Variants in MIB1 observed in about 807,000 individuals in gnomAD.
MIB1 encodes the protein E3 ubiquitin-protein ligase MIB1.
A neutral mutation model predicts 124.5 loss-of-function variants in MIB1; 278 were observed. The ratio of observed to expected loss-of-function variants is 2.23; its 90% CI spans 2.02 to 2.47. MIB1 has a LOEUF of 2.47. Ranked by LOEUF, MIB1 falls within the 30% of genes most tolerant of loss-of-function variation. The probability of loss-of-function intolerance (pLI) is 0.00; values close to 1 mark genes in which losing one functional copy is unlikely to be tolerated. For missense variants in MIB1, 957 were observed against 1,254.4 expected, an observed-to-expected ratio of 0.76 and a Z score of 3.58; for synonymous variants, 446 against 429.4, an observed-to-expected ratio of 1.04 and a Z score of -0.48.
At chr18:21,753,152 A>G (rs1417651134) in intron 1 of MIB1, among the ~76,000 whole-genome samples, 1 of 152,152 alleles carries the variant, frequency 6.6e-6, no homozygotes, top group East Asian at 1.9e-4. Flanking sequence ...CTTCAGAATG[A>G]TATTTTGGTA....
At chr18:21,855,685 T>C (rs2146517928) in intron 18 of MIB1, among the ~76,000 whole-genome samples, 1 of 152,280 alleles carries the variant, frequency 6.6e-6, no homozygotes, top group Admixed American at 6.5e-5. Context: ...TGGCAAACTA[T>C]TAGGAGTGTA....
At chr18:21,727,959 C>G (rs114701229) in intron 1 of MIB1, among the ~76,000 whole-genome samples, 17 of 152,302 alleles carry the variant, frequency 1.1e-4, no homozygotes, top group African/African-American at 4.1e-4. Flanking sequence ...CATTGTGAGA[C>G]TGTGAGCAGA....
chr18:21,798,110 ACAG>A lies in MIB1; in HGVS notation c.1120_1122del (p.Gln374del). On this transcript the variant is annotated inframe_deletion, in exon 8 of 21. Coordinates refer to ENST00000261537, the MANE Select transcript of MIB1 (RefSeq NM_020774.4). ...CTTTAGGTAAAGTTGGCCGAGTACA[ACAG>A]ATTTATTCAGACAGTGATTTAAAGG... 6.2e-7 allele frequency: 1 copy of A among 1,613,162 alleles called. No homozygotes were observed. Among genetic ancestry groups the A allele is most frequent in the Non-Finnish European group, 8.5e-7 (1 of 1,179,318 alleles).
intron 10 of MIB1, among the ~76,000 whole-genome samples, chr18:21,805,163 C>T (rs1416269564): frequency 6.6e-6 from 1 of 152,082 alleles, no homozygotes; most frequent in Admixed American, 6.6e-5. Flanking sequence ...TAGGCGCCTG[C>T]TACCACACCT....
intron 13 of MIB1, among the ~76,000 whole-genome samples, chr18:21,840,499 A>G (rs1372583874): frequency 2.0e-5 from 3 of 151,900 alleles, no homozygotes; most frequent in African/African-American, 7.2e-5. Flanking sequence ...AGCTTAAACC[A>G]TAAAGCCAGC....
At chr18:21,807,616 A>G (rs1445776357) in intron 10 of MIB1, among the ~76,000 whole-genome samples, 1 of 152,204 alleles carries the variant, frequency 6.6e-6, no homozygotes, top group Non-Finnish European at 1.5e-5. Context: ...TAATTGTTAC[A>G]AGTGGGTGGG....
chr18:21,732,024 T>C (rs1000392260), intron 1 of MIB1, among the ~76,000 whole-genome samples: 1 of 151,122 alleles, frequency 6.6e-6, no homozygotes, highest in East Asian at 2.0e-4. Context: ...TTTAAATATA[T>C]ATATATATAT....
chr18:21,858,624 A>G lies in MIB1; in HGVS notation c.2858A>G (p.Gln953Arg). The change falls in exon 20 of 21, where the codon CAG becomes CGG. Residue 953 changes from glutamine (Q) to arginine (R), a missense_variant. Physicochemically the swap from Gln to Arg is conservative, Grantham distance 43. Transcript: ENST00000261537. ...VNADVQKLQQQLQDIKEQTMC... is the reference protein window; with the variant it reads ...VNADVQKLQQRLQDIKEQTMC... ...GCAGATGTGCAAAAGTTGCAGCAAC[A>G]GTTACAAGACATTAAAGAGCAGGTA... is the stretch of plus-strand genomic sequence containing the variant. 1 of 1,587,528 alleles carries G rather than the reference A, an allele frequency of 6.3e-7. No individual in the cohort carries two copies. The highest frequency in any genetic ancestry group is 8.6e-7 in the Non-Finnish European group (1 of 1,156,172).
At position 21,865,406 on chromosome 18, in the gene MIB1, G is replaced by A. The variant is rs1300847349; in HGVS notation, c.*740G>A. On this transcript the variant is annotated 3_prime_UTR_variant, in exon 21 of 21. Coordinates refer to ENST00000261537, the MANE Select transcript of MIB1 (RefSeq NM_020774.4). ...GGGCAACTGAAGAGAAAAAAAAAAC[G>A]AGTATCTATTAACTGGCCACTAACA... is the stretch of plus-strand genomic sequence containing the variant. 2 of 151,916 alleles carry A rather than the reference G, an allele frequency of 1.3e-5. No individual in the cohort carries two copies. Among genetic ancestry groups the A allele is most frequent in the Middle Eastern group, 3.4e-3 (1 of 290 alleles). 9.4% of individuals were successfully genotyped at this position (151,916 alleles called of 1,614,324 possible).
chr18:21,720,491 A>ATT (rs200066801), intron 1 of MIB1, among the ~76,000 whole-genome samples: 3,871 of 147,824 alleles, frequency 0.026, 175 homozygotes, highest in African/African-American at 0.088. Flanking sequence ...TTTTCAAATA[A>ATT]TTTTTTTTTT....
intron 1 of MIB1, among the ~76,000 whole-genome samples, chr18:21,713,338 G>A (rs1231042433): frequency 6.9e-6 from 1 of 144,996 alleles, no homozygotes; most frequent in Non-Finnish European, 1.5e-5. Context: ...TGGGCCAGGC[G>A]CGGTGGCTCA....
intron 1 of MIB1, among the ~76,000 whole-genome samples, chr18:21,743,798 C>T (rs1257009018): frequency 6.6e-6 from 1 of 152,108 alleles, no homozygotes; most frequent in African/African-American, 2.4e-5. Context: ...TAAAGTGTAA[C>T]AGATTCTTTA....
In MIB1 at chr18:21,838,387, A is replaced by G. The variant is rs761196478; in HGVS notation, c.1852A>G (p.Lys618Glu). Reference sequence around the variant, plus strand: ...CAGTGCAATGCGTGTTTTACTATCTAAATTACCAAGACCATGGATTGTGGA... The same window carrying G: ...CAGTGCAATGCGTGTTTTACTATCTGAATTACCAAGACCATGGATTGTGGA... ...NPSAMRVLLS[K>E]LPRPWIVDEK... The change falls in exon 13 of 21, where the codon AAA (lysine) becomes GAA (glutamate). Residue 618 changes from lysine to glutamate, a missense_variant. Transcript: ENST00000261537. 1 of 1,601,670 alleles carries G rather than the reference A, an allele frequency of 6.2e-7. No homozygotes were observed. Among genetic ancestry groups the G allele is most frequent in the Non-Finnish European group, 8.5e-7 (1 of 1,173,208 alleles).
At chr18:21,826,084 T>C (rs2041922558) in intron 12 of MIB1, 1 of 212,146 alleles carries the variant, frequency 4.7e-6, no homozygotes, top group African/African-American at 2.4e-5. Flanking sequence ...AATTCTTACA[T>C]GTAGACAATA....
At position 21,838,432 on chromosome 18, in the gene MIB1, T is replaced by A; in HGVS notation, c.1897T>A (p.Tyr633Asn). Residue 633 changes from tyrosine (Y) to asparagine (N), a missense_variant, in exon 13 of 21, where the codon TAT (tyrosine) becomes AAT (asparagine). Physicochemically the swap from Tyr to Asn is moderately radical, Grantham distance 143 (BLOSUM62 -2). Transcript: ENST00000261537. ...TGTGGATGAGAAGAAAGATGATGGT[T>A]ATACTGCCTTACATCTGGCTGCCCT... ...WIVDEKKDDG[Y>N]TALHLAALNN... is the part of the protein sequence containing the mutation. The A allele has an allele frequency of 6.2e-7, 1 of 1,611,072 alleles. No individual in the cohort carries two copies. The highest frequency in any genetic ancestry group is 8.5e-7 in the Non-Finnish European group (1 of 1,177,740).
chr18:21,748,518 C>T (rs1488082183), intron 1 of MIB1, among the ~76,000 whole-genome samples: 1 of 151,548 alleles, frequency 6.6e-6, no homozygotes, highest in Non-Finnish European at 1.5e-5. Context: ...CAACCTCTGC[C>T]TCCTGGGCTC....
intron 12 of MIB1, among the ~76,000 whole-genome samples, chr18:21,823,837 C>G (rs1035333653): frequency 1.3e-5 from 2 of 152,026 alleles, no homozygotes; most frequent in African/African-American, 4.8e-5. Context: ...ATGTTTTCAT[C>G]TAGAGTTTAG....
At chr18:21,779,153 G>C (rs1215048714) in intron 5 of MIB1, among the ~76,000 whole-genome samples, 1 of 152,128 alleles carries the variant, frequency 6.6e-6, no homozygotes, top group Non-Finnish European at 1.5e-5. Context: ...TGCAGTGATA[G>C]TAAGTTATCC....
intron 20 of MIB1, among the ~76,000 whole-genome samples, chr18:21,862,970 A>G (rs1471203407): frequency 1.3e-5 from 2 of 152,100 alleles, no homozygotes; most frequent in African/African-American, 2.4e-5. Context: ...GTTTTGGTTT[A>G]TATAGGTTTT....
Sources: allele counts gnomAD v4.1 joint callset (sites outside exome capture counted in the v4.1 genomes callset), GRCh38; gene constraint gnomAD v4.1.1; transcripts MANE v1.5; gene names NCBI Gene and HGNC (gene_info 2026-07-23, HGNC 2026-07-21).